Variants in ABCA7 observed in about 807,000 individuals in gnomAD.
The protein encoded by ABCA7 is ATP binding cassette subfamily A member 7.
A neutral mutation model predicts 227.6 loss-of-function variants in ABCA7; 261 were observed. That is an observed-to-expected ratio of 1.15 (90% CI 1.04 to 1.27). The LOEUF is 1.27. Among genes scored for constraint, ABCA7 ranks in the 50% most tolerant of loss-of-function variants. ABCA7 has a pLI of 0.00. For synonymous variants in ABCA7, 1,488 were observed against 1,279.7 expected, an observed-to-expected ratio of 1.16 and a Z score of -3.47; for missense variants, 3,331 against 2,924.5, an observed-to-expected ratio of 1.14 and a Z score of -3.21.
rs145839896 is a variant in ABCA7 at position 1,043,419 on chromosome 19, C to T, written c.876C>T (p.Leu292=). 5.6e-6 allele frequency: 9 copies of T among 1,613,418 alleles called. No homozygotes were observed. The East Asian group carries it at 1.1e-4, about 20-fold the overall frequency. Residue 292 remains leucine, a synonymous_variant, in exon 9 of 47, where the codon CTC becomes CTT. Coordinates refer to ENST00000263094, the MANE Select transcript of ABCA7 (RefSeq NM_019112.4). ...LLWRRLKPLI[L]GKLLFAPDTP... The stretch of plus-strand genomic sequence containing the variant: ...GGAGACGCCTGAAGCCTCTGATCCT[C>T]GGGAAGCTACTCTTTGCACCAGATA...
Position 1,054,263 on chromosome 19 carries a change from G to GT in ABCA7, c.3648_3649insT (p.Thr1217TyrfsTer69). The stretch of plus-strand genomic sequence containing the variant: ...TGGGCCGGGTACAGGGCTGGGCACT[G>GT]ACCCGCCAGCAGCTCCAGGCCCTGC... On this transcript the variant is annotated frameshift_variant, in exon 27 of 47. Coordinates refer to ENST00000263094, the MANE Select transcript of ABCA7 (RefSeq NM_019112.4). LOFTEE classifies it high-confidence loss of function. The surrounding 1 kb of genome is among the most constrained non-coding windows in gnomAD (Gnocchi z 4.8). 1 of 1,608,326 alleles carries GT rather than the reference G, an allele frequency of 6.2e-7. No individual in the cohort carries two copies. The highest frequency in any genetic ancestry group is 8.5e-7 in the Non-Finnish European group (1 of 1,179,146).
intron 23 of ABCA7, among the ~76,000 whole-genome samples, chr19:1,052,634 GGAGAAGGGGGAGAAGTAGGAGGA>G (rs1474976229): frequency 1.1e-4 from 9 of 78,586 alleles, no homozygotes; most frequent in Non-Finnish European, 1.8e-4. Context: ...GAAAGGGGGA[GGAGAAGGGGGAGAAGTAGGAGGA>G]AGAGGAGGGG....
chr19:1,053,743 C>A, intron 24 of ABCA7, 45 bp from the exon 25 acceptor site: 1 of 1,588,018 alleles, frequency 6.3e-7, no homozygotes, highest in Non-Finnish European at 8.6e-7. Flanking sequence ...GCCCCCAGTT[C>A]TCCCTGTCGG....
chr19:1,042,726 CT>C lies in ABCA7; in HGVS notation c.499-18del. The C allele has an allele frequency of 6.2e-7, 1 of 1,612,278 alleles. No homozygotes were observed. The highest frequency in any genetic ancestry group is 1.1e-5 in the South Asian group (1 of 91,066). On this transcript the variant is annotated intron_variant, in intron 6 of 46. Transcript: ENST00000263094. ...GTGAGTGTTCAAAATCATTGTCCCC[CT>C]TGTGGTCTTTCTCCCCAGGAATCCC...
chr19:1,042,993 G>C (rs1344226471), intron 7 of ABCA7, 48 bp from the exon 8 acceptor site: 1 of 1,560,664 alleles, frequency 6.4e-7, no homozygotes, highest in Non-Finnish European at 8.7e-7. Context: ...CCTGGTTAGG[G>C]CTTGGAGGTG....
At chr19:1,058,547 G>A (rs1219641960) in intron 37 of ABCA7, 71 bp from the exon 38 acceptor site, 1 of 1,588,404 alleles carries the variant, frequency 6.3e-7, no homozygotes, top group Non-Finnish European at 8.5e-7. Flanking sequence ...AGAATCCAGA[G>A]TGACATGGAT....
In ABCA7 at chr19:1,049,358, C is replaced by A. The variant is rs150412128; in HGVS notation, c.2473C>A (p.Arg825=). ...TCCTGGAAGCCCGCAGCCAGCCCTG[C>A]GGGGGCTCAGCCTGGACTTCTACCA... The part of the protein sequence containing the change: ...RFPGSPQPAL[R]GLSLDFYQGH... The change falls in exon 18 of 47, where the codon CGG becomes AGG. Residue 825 remains arginine (R), a synonymous_variant. Coordinates refer to ENST00000263094, the MANE Select transcript of ABCA7 (RefSeq NM_019112.4). The A allele has an allele frequency of 3.7e-6, 6 of 1,611,412 alleles. No homozygotes were observed. Among genetic ancestry groups the A allele is most frequent in the East Asian group, 2.2e-5 (1 of 44,872 alleles).
At position 1,043,250 on chromosome 19, in the gene ABCA7, G is replaced by C; in HGVS notation, c.789G>C (p.Leu263=). 2 of 1,607,854 alleles carry C rather than the reference G, an allele frequency of 1.2e-6. No individual in the cohort carries two copies. Among genetic ancestry groups the C allele is most frequent in the East Asian group, 2.2e-5 (1 of 44,732 alleles). ...EPESALPDSS[L]SPACSELIGA... is the part of the protein sequence containing the mutation. ...AATCCGCCCTGCCAGACAGCAGCCT[G>C]AGTGAGTGACTGACCTCGGTTTCCC... is the stretch of plus-strand genomic sequence containing the variant. Residue 263 remains leucine (L), a splice_region_variant and synonymous_variant, in exon 8 of 47, where the codon CTG becomes CTC. Transcript: ENST00000263094.
Position 1,062,152 on chromosome 19 carries a change from C to G in ABCA7, c.5571-20C>G. On this transcript the variant is annotated intron_variant, in intron 41 of 46. Transcript: ENST00000263094. ...CAGGGACTAGCCAGCTCTCTGAGCC[C>G]CCGGCGCCCCCATCCCCAGCGTGGC... The G allele has an allele frequency of 6.2e-7, 1 of 1,610,170 alleles. No homozygotes were observed. The highest frequency in any genetic ancestry group is 8.5e-7 in the Non-Finnish European group (1 of 1,178,572).
intron 30 of ABCA7, 111 bp from the exon 31 acceptor site, chr19:1,055,796 C>T (rs1273836044): frequency 8.4e-7 from 1 of 1,192,632 alleles, no homozygotes; most frequent in African/African-American, 1.6e-5. Flanking sequence ...GCCACCGCGC[C>T]CGGCTTTCTT....
chr19:1,052,138 C>A lies in ABCA7; in HGVS notation c.3147+12C>A. ...CCACCAATGAGAAGGTGGGGACCGG[C>A]CTTCTCCTGACCCCTGACCCCCGGG... On this transcript the variant is annotated intron_variant, in intron 22 of 46. Coordinates refer to ENST00000263094, the MANE Select transcript of ABCA7 (RefSeq NM_019112.4). 6.2e-7 allele frequency: 1 copy of A among 1,611,578 alleles called. No individual in the cohort carries two copies. The highest frequency in any genetic ancestry group is 8.5e-7 in the Non-Finnish European group (1 of 1,179,512).
intron 21 of ABCA7, 71 bp downstream of exon 21, chr19:1,051,657 TG>T (rs1375125723): frequency 2.0e-6 from 3 of 1,469,716 alleles, no homozygotes; most frequent in Non-Finnish European, 2.8e-6. Context: ...GATGGGGTTT[TG>T]AGGAATGAGT....
In ABCA7 at chr19:1,054,825, G is replaced by A. The variant is rs763449276; in HGVS notation, c.3897G>A (p.Ala1299=). 2.2e-5 allele frequency: 34 copies of A among 1,574,546 alleles called. No homozygotes were observed. Among genetic ancestry groups the A allele is most frequent in the Admixed American group, 5.6e-5 (3 of 53,502 alleles). The change falls in exon 29 of 47, where the codon GCG becomes GCA. Residue 1299 remains alanine (A), a synonymous_variant. Coordinates refer to ENST00000263094, the MANE Select transcript of ABCA7 (RefSeq NM_019112.4). This position sits in a 1 kb window ranked among gnomAD's most constrained non-coding sequence, Gnocchi z 4.8. ...GDPGRARLLE[A]LLQEAGLEEP... is the part of the protein sequence containing the mutation. ...CTGGACGTGCCCGGCTGCTCGAGGC[G>A]CTGCTGCAGGAGGCAGGACTGGAGG...
intron 37 of ABCA7, 102 bp downstream of exon 37, chr19:1,058,371 G>A: frequency 4.6e-6 from 7 of 1,511,060 alleles, no homozygotes; most frequent in Non-Finnish European, 6.2e-6. Context: ...CCCCCAGGGA[G>A]ACAGCCAGGG....
chr19:1,041,454 C>A (rs865779483), intron 2 of ABCA7, 27 bp downstream of exon 2: 1 of 1,613,896 alleles, frequency 6.2e-7, no homozygotes, highest in Middle Eastern at 1.7e-4. Context: ...AGACCAGGGC[C>A]GGGTGGGCAG....
At position 1,042,826 on chromosome 19, in the gene ABCA7, G is replaced by T. The variant is rs1370357181; in HGVS notation, c.579G>T (p.Glu193Asp). ...LLEAAEDLAQ[E>D]LLALRSLVEL... is the part of the protein sequence containing the mutation. ...AGGCCGCTGAGGACCTGGCCCAGGA[G>T]GTACGAGGCCCCACTCATCCTCAAC... Residue 193 changes from glutamate to aspartate, a missense_variant and splice_region_variant, in exon 7 of 47, where the codon GAG becomes GAT. By Grantham distance (45) the Glu-to-Asp change is conservative. Transcript: ENST00000263094. 7 of 1,593,622 alleles carry T rather than the reference G, an allele frequency of 4.4e-6. No individual in the cohort carries two copies. The highest frequency in any genetic ancestry group is 1.4e-5 in the African/African-American group (1 of 73,776).
Position 1,049,427 on chromosome 19 carries a change from AC to A in ABCA7, c.2544del (p.Thr849ProfsTer6), listed in dbSNP as rs774995833. 7.5e-6 allele frequency: 12 copies of A among 1,600,190 alleles called. No individual in the cohort carries two copies. Among genetic ancestry groups the A allele is most frequent in the Non-Finnish European group, 1.0e-5 (12 of 1,172,100 alleles). The stretch of plus-strand genomic sequence containing the variant: ...CCTGGGCCACAACGGGGCCGGCAAG[AC>A]CACCACCCTGTGAGCCCCCAACCAC... ...AFLGHNGAGKTTTLSILSGLF... is the reference protein window; with the variant it reads ...AFLGHNGAGKXTTLSILSGLF... On this transcript the variant is annotated frameshift_variant, in exon 18 of 47. Coordinates refer to ENST00000263094, the MANE Select transcript of ABCA7 (RefSeq NM_019112.4). LOFTEE classifies it high-confidence loss of function.
intron 44 of ABCA7, 122 bp from the exon 45 acceptor site, chr19:1,064,039 C>A: frequency 7.4e-7 from 1 of 1,346,426 alleles, no homozygotes; most frequent in Middle Eastern, 2.6e-4. Context: ...TCAGAACGGT[C>A]TGGGGAAGAG....
chr19:1,062,044 A>T, intron 41 of ABCA7, 128 bp from the exon 42 acceptor site: 1 of 1,479,560 alleles, frequency 6.8e-7, no homozygotes, highest in Non-Finnish European at 9.1e-7. Context: ...CACGCGGACC[A>T]GGCCCTGAGA....
Sources: allele counts gnomAD v4.1 joint callset (sites outside exome capture counted in the v4.1 genomes callset), GRCh38; gene constraint gnomAD v4.1.1; non-coding constraint Gnocchi (gnomAD v3.1); transcripts MANE v1.5; gene names NCBI Gene and HGNC (gene_info 2026-07-23, HGNC 2026-07-21).